NTRK1: variants seen among roughly 807,000 people sequenced by gnomAD.
NTRK1 encodes the protein high affinity nerve growth factor receptor.
Under a neutral mutation model 86.8 loss-of-function variants are expected in NTRK1, and 62 were observed. That is an observed-to-expected ratio of 0.71 (90% CI 0.58 to 0.88). The LOEUF (loss-of-function observed/expected upper bound fraction) is 0.88. Among genes scored for constraint, NTRK1 ranks in the 40% least tolerant of loss-of-function variants. The pLI is 0.00. For missense variants in NTRK1, 967 were observed against 1,078.4 expected, an observed-to-expected ratio of 0.90 and a Z score of 1.45; for synonymous variants, 469 against 456.6, an observed-to-expected ratio of 1.03 and a Z score of -0.35.
intron 2 of NTRK1, among the ~76,000 whole-genome samples, chr1:156,846,971 CT>C (rs1324986846): frequency 5.3e-5 from 8 of 152,166 alleles, no homozygotes; most frequent in African/African-American, 1.9e-4. Context: ...GATATAGCTC[CT>C]CATCCTTAGC....
intron 15 of NTRK1, 21 bp downstream of exon 15, chr1:156,879,383 A>C (rs949614489): frequency 1.2e-5 from 19 of 1,587,586 alleles, no homozygotes; most frequent in Admixed American, 1.7e-5. Flanking sequence ...TTTGTCCCCA[A>C]CGCCTTCCCC....
chr1:156,818,240 A>C (rs1157926581), intron 1 of NTRK1, among the ~76,000 whole-genome samples: 2 of 152,232 alleles, frequency 1.3e-5, no homozygotes, highest in Admixed American at 6.5e-5. Flanking sequence ...GGAAAAAAAA[A>C]ACTTTGTTTC....
rs1261032842 is a variant in NTRK1, at chr1:156,879,497, AC to A, written c.2046+137del. On this transcript the variant is annotated intron_variant, in intron 15 of 16. Coordinates refer to ENST00000524377, the MANE Select transcript of NTRK1 (RefSeq NM_002529.4). ...ATTCACTGGCTCTGGTTTTCAACCT[AC>A]CTCCTCGGCTCCTGGTGGAGGGGGC... 6.7e-6 allele frequency: 8 copies of A among 1,190,494 alleles called. No homozygotes were observed. In the East Asian group the frequency reaches 1.7e-4, roughly 25 times the overall value. 73.7% of individuals were successfully genotyped at this position (1,190,494 alleles called of 1,614,324 possible).
intron 1 of NTRK1, among the ~76,000 whole-genome samples, chr1:156,829,225 G>A (rs1486955607): frequency 1.3e-5 from 2 of 152,194 alleles, no homozygotes; most frequent in African/African-American, 4.8e-5. Context: ...CTCTCCATGA[G>A]GTGACAGGTG....
At chr1:156,849,929 T>C (rs985119746) in intron 2 of NTRK1, among the ~76,000 whole-genome samples, 6 of 151,306 alleles carry the variant, frequency 4.0e-5, no homozygotes, top group Admixed American at 6.6e-5. Context: ...TTTTTTTTTT[T>C]CCTCACTCTG....
chr1:156,825,660 G>A (rs1004477946), intron 1 of NTRK1, among the ~76,000 whole-genome samples: 1 of 152,214 alleles, frequency 6.6e-6, no homozygotes, highest in Non-Finnish European at 1.5e-5. Context: ...CTTATTTGAG[G>A]ATTACCTGGT....
intron 2 of NTRK1, chr1:156,843,157 C>T: frequency 1.2e-6 from 2 of 1,614,124 alleles, no homozygotes; most frequent in Non-Finnish European, 1.7e-6. Context: ...CATATACCAT[C>T]CCAAAAGAGC....
At chr1:156,880,241 C>T in intron 16 of NTRK1, 84 bp downstream of exon 16, 1 of 1,466,570 alleles carries the variant, frequency 6.8e-7, no homozygotes, top group Non-Finnish European at 9.4e-7. Flanking sequence ...CTCGGTTCCC[C>T]TTCTGCCCCT....
intron 2 of NTRK1, chr1:156,851,425 T>A: frequency 1.9e-6 from 3 of 1,614,124 alleles, no homozygotes; most frequent in Non-Finnish European, 2.5e-6. Context: ...CAGCTGTGGC[T>A]CCAGGTTGTC....
At chr1:156,851,243 G>A (rs751334994) in intron 2 of NTRK1, 2 of 1,609,568 alleles carry the variant, frequency 1.2e-6, no homozygotes, top group East Asian at 4.5e-5. Flanking sequence ...GGGAGTGTTG[G>A]AGGAAGGAGT....
At chr1:156,870,695 C>T (rs970320279) in intron 6 of NTRK1, among the ~76,000 whole-genome samples, 1 of 152,192 alleles carries the variant, frequency 6.6e-6, no homozygotes, top group Admixed American at 6.5e-5. Context: ...ATAAAGTTTT[C>T]GGATAAATGA....
intron 1 of NTRK1, among the ~76,000 whole-genome samples, chr1:156,835,363 G>A (rs1654572784): frequency 6.6e-6 from 1 of 152,194 alleles, no homozygotes; most frequent in Non-Finnish European, 1.5e-5. Context: ...CAGGTAGCGA[G>A]GGGACAGAGC....
At chr1:156,817,107 G>A (rs1172545789) in intron 1 of NTRK1, among the ~76,000 whole-genome samples, 1 of 121,292 alleles carries the variant, frequency 8.2e-6, no homozygotes, top group Non-Finnish European at 1.7e-5. Flanking sequence ...TTTCTCTCTG[G>A]AAAATCTCCC....
At chr1:156,859,971 G>C (rs1253790183), upstream of NTRK1, among the ~76,000 whole-genome samples, 12 of 152,344 alleles carry the variant, frequency 7.9e-5, no homozygotes, top group Non-Finnish European at 1.6e-4. This position sits in a 1 kb window ranked among gnomAD's most constrained non-coding sequence, Gnocchi z 6.2. Flanking sequence ...CCAGGTGCTC[G>C]GCCTCCAAGG....
intron 1 of NTRK1, among the ~76,000 whole-genome samples, chr1:156,823,189 C>T (rs1216684267): frequency 6.6e-6 from 1 of 152,168 alleles, no homozygotes; most frequent in Non-Finnish European, 1.5e-5. Flanking sequence ...GTGAGAGGAG[C>T]CATTTCTGAT....
At chr1:156,879,439 C>T (rs1648120688) in intron 15 of NTRK1, 77 bp downstream of exon 15, 3 of 1,527,580 alleles carry the variant, frequency 2.0e-6, no homozygotes, top group Admixed American at 3.7e-5. Context: ...CACTGAGAGC[C>T]TGCCCTTGCT....
At chr1:156,852,905 G>T (rs187277514) in intron 2 of NTRK1, among the ~76,000 whole-genome samples, 1 of 152,244 alleles carries the variant, frequency 6.6e-6, no homozygotes, top group East Asian at 1.9e-4. Flanking sequence ...CGCCCGCCCT[G>T]CTGCTGAGGC....
intron 2 of NTRK1, chr1:156,849,244 A>G: frequency 7.4e-6 from 12 of 1,613,438 alleles, no homozygotes; most frequent in Non-Finnish European, 1.0e-5. Context: ...TTGGGGTCTC[A>G]CAGGCGGCGC....
rs12079821 is a variant in NTRK1 at position 156,820,016 on chromosome 1, G to A, written c.-64+4178G>A. On this transcript the variant is annotated intron_variant, in intron 1 of 16. Transcript: ENST00000392302. ...ATTTATTTTTGTTCTTGTTGCATTT[G>A]CTTTTGGGGTCTTAGTCATGAATTC... is the stretch of plus-strand genomic sequence containing the variant. Among the ~76,000 whole-genome samples, 769 of 152,220 alleles carry A rather than the reference G, an allele frequency of 5.1e-3. 3 individuals are homozygous for A. The highest frequency in any genetic ancestry group is 0.018 in the African/African-American group (733 of 41,520).
Sources: gnomAD v4.1 joint callset for allele counts (sites outside exome capture counted in the v4.1 genomes callset) on GRCh38, gnomAD v4.1.1 for gene constraint, Gnocchi (gnomAD v3.1) non-coding constraint, MANE v1.5 for transcripts, NCBI Gene and HGNC (gene_info 2026-07-23, HGNC 2026-07-21) for gene names.